STK11IP: variants seen among roughly 807,000 people sequenced by gnomAD.
STK11IP encodes the protein serine/threonine kinase 11 interacting protein, also known as serine/threonine-protein kinase 11-interacting protein.
A neutral mutation model predicts 131.7 loss-of-function variants in STK11IP; 103 were observed. The ratio of observed to expected loss-of-function variants is 0.78; its 90% confidence interval spans 0.67 to 0.92. The LOEUF is 0.92. Ranked by LOEUF, STK11IP falls within the 40% of genes least tolerant of loss-of-function variation. The pLI, the probability that STK11IP is intolerant of heterozygous loss-of-function variation, is 0.00. For synonymous variants in STK11IP, 557 were observed against 575.6 expected (o/e 0.97, Z 0.46); for missense variants, 1,315 against 1,385.7 (o/e 0.95, Z 0.81).
At chr2:219,615,367 G>A (rs750067006) in intron 24 of STK11IP, 26 bp downstream of exon 24, 39 of 1,580,028 alleles carry the variant, frequency 2.5e-5, no homozygotes, top group Non-Finnish European at 3.3e-5. Context: ...TCCAGTGAGA[G>A]GGAGGGAGGG....
intron 7 of STK11IP, among the ~76,000 whole-genome samples, chr2:219,603,493 A>T (rs1031261746): frequency 1.3e-5 from 2 of 151,952 alleles, no homozygotes; most frequent in African/African-American, 4.8e-5. Flanking sequence ...ATAAAGCCGA[A>T]CTAGTTAAAG....
chr2:219,597,958 G>A (rs1310983836), intron 1 of STK11IP, 35 bp downstream of exon 1: 1 of 1,610,152 alleles, frequency 6.2e-7, no homozygotes, highest in Non-Finnish European at 8.5e-7. Flanking sequence ...CCTCGAAAGG[G>A]CGGCCAGGAG....
At chr2:219,598,394 G>T in intron 2 of STK11IP, 1 of 482,868 alleles carries the variant, frequency 2.1e-6, no homozygotes, top group South Asian at 3.6e-5. Context: ...GCCAAAGGGC[G>T]GTATCCCTCC....
chr2:219,612,193 C>G (rs1698421707), intron 19 of STK11IP, 135 bp downstream of exon 19: 1 of 771,956 alleles, frequency 1.3e-6, no homozygotes, highest in African/African-American at 1.7e-5. Context: ...CAGCTTCTTG[C>G]TGTGTGGCCG....
intron 7 of STK11IP, among the ~76,000 whole-genome samples, chr2:219,604,755 A>G (rs1264087042): frequency 6.6e-6 from 1 of 151,974 alleles, no homozygotes; most frequent in African/African-American, 2.4e-5. Context: ...TGGTGATAGC[A>G]TAGACAGTGT....
Position 219,601,660 on chromosome 2 carries a change from C to CT in STK11IP, c.288dup (p.Gly97TrpfsTer114). ...TTTCAGCTGGTCCATGTTGCTGGTC[C>CT]TGGCCCCACAGGGCCCATCAAGATT... On this transcript the variant is annotated frameshift_variant, in exon 4 of 25. Transcript: ENST00000456909. LOFTEE classifies it high-confidence loss of function. 3 of 1,599,052 alleles carry CT rather than the reference C, an allele frequency of 1.9e-6. No homozygotes were observed. Among genetic ancestry groups the CT allele is most frequent in the Non-Finnish European group, 2.6e-6 (3 of 1,172,620 alleles).
In STK11IP at chr2:219,609,206, C is replaced by T; in HGVS notation, c.1919C>T (p.Ala640Val). Reference sequence around the variant, plus strand: ...GTGCTGGAGCCTGATGCCCACGCAGCTGTCCAGGTGATGGCGCCCAGAGTG... The same window carrying T: ...GTGCTGGAGCCTGATGCCCACGCAGTTGTCCAGGTGATGGCGCCCAGAGTG... ...YLVLEPDAHA[A>V]VQELLAVLTP... Residue 640 changes from alanine (A) to valine (V), a missense_variant, in exon 16 of 25, where the codon GCT becomes GTT. By Grantham distance (64) the Ala-to-Val change is moderately conservative. Transcript: ENST00000456909. The T allele has an allele frequency of 6.2e-7, 1 of 1,601,610 alleles. No homozygotes were observed. The highest frequency in any genetic ancestry group is 8.5e-7 in the Non-Finnish European group (1 of 1,174,138).
intron 7 of STK11IP, among the ~76,000 whole-genome samples, chr2:219,603,393 G>A (rs1698053364): frequency 6.6e-6 from 1 of 152,120 alleles, no homozygotes; most frequent in African/African-American, 2.4e-5. Context: ...ACCCAATGTT[G>A]CTTAGTCTAG....
chr2:219,616,189 G>T lies in STK11IP; in HGVS notation c.3263G>T (p.Arg1088Leu), dbSNP rs1453716602. ...ATCCAAGAGGCGCTGGCCCTTGACC[G>T]ATGAGGGTCCCACGCTGACCTTGGC... ...TVIQEALALD[R>L] is the part of the protein sequence containing the mutation. Residue 1088 changes from arginine to leucine, a missense_variant, in exon 25 of 25, where the codon CGA (arginine) becomes CTA (leucine). Coordinates refer to ENST00000456909, the MANE Select transcript of STK11IP (RefSeq NM_052902.4). The T allele has an allele frequency of 5.0e-6, 8 of 1,612,840 alleles. No homozygotes were observed. The highest frequency in any genetic ancestry group is 1.6e-4 in the Middle Eastern group (1 of 6,082).
rs111452619 is a variant in STK11IP at position 219,615,172 on chromosome 2, C to A, written c.2948C>A (p.Pro983Gln). The A allele has an allele frequency of 4.1e-3, 6,636 of 1,601,098 alleles. 19 individuals carry two copies. The highest frequency in any genetic ancestry group is 5.1e-3 in the Non-Finnish European group (5,946 of 1,176,154). ...TTAGATGAGGATGCTGCAGGGTCCCCGGCAGAGCCCTCTCCTCCAGCAGCA... is the reference window on the plus strand; with the variant it reads ...TTAGATGAGGATGCTGCAGGGTCCCAGGCAGAGCCCTCTCCTCCAGCAGCA... ...FLLDEDAAGS[P>Q]AEPSPPAASG... Residue 983 changes from proline (P) to glutamine (Q), a missense_variant, in exon 24 of 25, where the codon CCG becomes CAG. Pro to Gln is a moderately conservative substitution (Grantham distance 76). Transcript: ENST00000456909.
Position 219,616,260 on chromosome 2 carries a change from T to C in STK11IP, c.*67T>C. On this transcript the variant is annotated 3_prime_UTR_variant, in exon 25 of 25. Transcript: ENST00000456909. ...TGTAGACATTCCCTCTCCTGGTCTC[T>C]GGGTCTGGCTTCCAGGCTCTGGCTG... 2 of 1,532,460 alleles carry C rather than the reference T, an allele frequency of 1.3e-6. No homozygotes were observed. The highest frequency in any genetic ancestry group is 1.8e-6 in the Non-Finnish European group (2 of 1,136,632). The allele number at this position is 1,532,460 out of a possible 1,614,324, so 94.9% of individuals were successfully genotyped here. A position where few individuals can be genotyped will look rare whatever the true frequency, so the allele number is the denominator to read the frequency against.
chr2:219,614,161 A>G lies in STK11IP; in HGVS notation c.2717A>G (p.Asp906Gly). 5.6e-6 allele frequency: 9 copies of G among 1,613,478 alleles called. No homozygotes were observed. Among genetic ancestry groups the G allele is most frequent in the Non-Finnish European group, 7.6e-6 (9 of 1,179,702 alleles). Residue 906 changes from aspartate (D) to glycine (G), a missense_variant and splice_region_variant, in exon 22 of 25, where the codon GAT becomes GGT. Physicochemically the swap from Asp to Gly is moderately conservative, Grantham distance 94 (BLOSUM62 -1). Coordinates refer to ENST00000456909, the MANE Select transcript of STK11IP (RefSeq NM_052902.4). ...HCRAFLEELLDVLQSLPPAWR... is the reference protein window; with the variant it reads ...HCRAFLEELLGVLQSLPPAWR... ...AGTTCCCTGGCCTGCCTCTGTCTAG[A>G]TGTCTTGCAGTCTCTGCCCCCTGCC...
chr2:219,616,199 C>T lies in STK11IP; in HGVS notation c.*6C>T. On this transcript the variant is annotated 3_prime_UTR_variant, in exon 25 of 25. Transcript: ENST00000456909. ...CGCTGGCCCTTGACCGATGAGGGTCCCACGCTGACCTTGGCCCTGACCTCA... is the reference window on the plus strand; with the variant it reads ...CGCTGGCCCTTGACCGATGAGGGTCTCACGCTGACCTTGGCCCTGACCTCA... The T allele has an allele frequency of 1.2e-6, 2 of 1,611,888 alleles. No individual in the cohort carries two copies. Among genetic ancestry groups the T allele is most frequent in the South Asian group, 1.1e-5 (1 of 90,844 alleles).
At position 219,615,342 on chromosome 2, in the gene STK11IP, G is replaced by A; in HGVS notation, c.3117+1G>A. 1 of 1,596,632 alleles carries A rather than the reference G, an allele frequency of 6.3e-7. No individual in the cohort carries two copies. The highest frequency in any genetic ancestry group is 8.5e-7 in the Non-Finnish European group (1 of 1,175,866). The stretch of plus-strand genomic sequence containing the variant: ...CTTGCGGCTGCTCTTCTACGATGAG[G>A]TGTGTATGTGTATCTCCAGTGAGAG... On this transcript the variant is annotated splice_donor_variant, in intron 24 of 24. Coordinates refer to ENST00000456909, the MANE Select transcript of STK11IP (RefSeq NM_052902.4). LOFTEE classifies it high-confidence loss of function.
intron 20 of STK11IP, 96 bp from the exon 21 acceptor site, chr2:219,613,656 T>A: frequency 7.0e-7 from 1 of 1,422,660 alleles, no homozygotes; most frequent in Non-Finnish European, 9.9e-7. Flanking sequence ...ACGGGGGTGA[T>A]GCAGTGAGTG....
chr2:219,615,543 A>C (rs1365439998), intron 24 of STK11IP, among the ~76,000 whole-genome samples: 1 of 152,220 alleles, frequency 6.6e-6, no homozygotes, highest in Non-Finnish European at 1.5e-5. Context: ...AGCTGTAGGC[A>C]GGGGAGACAC....
intron 17 of STK11IP, 35 bp downstream of exon 17, chr2:219,609,575 G>A (rs200832406): frequency 2.9e-5 from 45 of 1,550,930 alleles, no homozygotes; most frequent in Middle Eastern, 1.7e-4. Context: ...CTGCCCACAC[G>A]CCTCCCCTGT....
At chr2:219,614,776 C>CGGGCCCAGGCTTTCGA in intron 23 of STK11IP, 1 of 689,194 alleles carries the variant, frequency 1.5e-6, no homozygotes, top group South Asian at 1.6e-5. Flanking sequence ...CCTTTGCTCT[C>CGGGCCCAGGCTTTCGA]GGGCCCAGGC....
chr2:219,614,363 T>C, intron 22 of STK11IP, 113 bp from the exon 23 acceptor site: 4 of 1,510,840 alleles, frequency 2.6e-6, no homozygotes, highest in Admixed American at 3.5e-5. Context: ...ATGCCCCTTA[T>C]GGGCCCCTAG....
Sources: gnomAD v4.1 joint callset for allele counts (sites outside exome capture counted in the v4.1 genomes callset) on GRCh38, gnomAD v4.1.1 for gene constraint, MANE v1.5 for transcripts, NCBI Gene and HGNC (gene_info 2026-07-23, HGNC 2026-07-21) for gene names.